GRHL1: variants seen among roughly 807,000 people sequenced by gnomAD.
The protein encoded by GRHL1 is grainyhead-like protein 1 homolog.
In GRHL1, 38 loss-of-function variants were observed where a neutral mutation model predicts 75.7. The observed-to-expected ratio is 0.50, with a 90% confidence interval of 0.39 to 0.66. The LOEUF (loss-of-function observed/expected upper bound fraction) is 0.66. Ranked by LOEUF, GRHL1 falls within the 30% of genes least tolerant of loss-of-function variation. The probability of loss-of-function intolerance (pLI) is 0.00; values close to 1 mark genes in which losing one functional copy is unlikely to be tolerated. For missense variants in GRHL1, 589 were observed against 767.5 expected, an observed-to-expected ratio of 0.77 and a Z score of 2.75; for synonymous variants, 266 against 279.4, an observed-to-expected ratio of 0.95 and a Z score of 0.48.
intron 7 of GRHL1, 191 bp from the exon 8 acceptor site, chr2:9,965,096 C>T (rs999352095): frequency 1.7e-5 from 9 of 521,256 alleles, no homozygotes; most frequent in Non-Finnish European, 2.7e-5. Context: ...TATGTCTAAG[C>T]TTGCCTCTAT....
chr2:9,972,460 C>T (rs762734337), intron 8 of GRHL1, among the ~76,000 whole-genome samples: 18 of 151,436 alleles, frequency 1.2e-4, no homozygotes, highest in Non-Finnish European at 2.4e-4. Flanking sequence ...AATTTCAAGG[C>T]GGCATGGGGG....
intron 7 of GRHL1, 113 bp downstream of exon 7, chr2:9,964,459 G>A (rs1395071987): frequency 1.2e-5 from 8 of 644,898 alleles, no homozygotes; most frequent in Non-Finnish European, 1.9e-5. Context: ...GAATTTTTAT[G>A]CCAGCTACTG....
intron 1 of GRHL1, among the ~76,000 whole-genome samples, 160 bp downstream of exon 1, chr2:9,952,013 C>T (rs990355640): frequency 7.3e-5 from 11 of 151,646 alleles, no homozygotes; most frequent in Non-Finnish European, 1.0e-4. Flanking sequence ...GGCCTTTGCC[C>T]CTTAGCCCTG....
chr2:9,971,133 T>C (rs973879299), intron 8 of GRHL1, among the ~76,000 whole-genome samples: 1 of 152,172 alleles, frequency 6.6e-6, no homozygotes, highest in Non-Finnish European at 1.5e-5. Flanking sequence ...CTAAGCATAA[T>C]ATTTGGAATT....
intron 15 of GRHL1, among the ~76,000 whole-genome samples, chr2:10,000,391 A>G (rs1486477910): frequency 1.3e-5 from 2 of 152,182 alleles, no homozygotes; most frequent in Non-Finnish European, 2.9e-5. Flanking sequence ...ATTTCCTCCT[A>G]ACTCAATTCT....
intron 9 of GRHL1, among the ~76,000 whole-genome samples, chr2:9,986,570 C>T (rs540457246): frequency 6.2e-5 from 9 of 146,162 alleles, no homozygotes; most frequent in African/African-American, 2.0e-4. Flanking sequence ...GTGCACACCA[C>T]CACGGCCGGC....
intron 8 of GRHL1, among the ~76,000 whole-genome samples, chr2:9,967,607 T>C (rs1355513148): frequency 1.4e-5 from 2 of 140,544 alleles, no homozygotes; most frequent in African/African-American, 5.8e-5. Flanking sequence ...TTGTGCCATT[T>C]CTTAATGAGG....
intron 14 of GRHL1, among the ~76,000 whole-genome samples, chr2:9,998,455 T>G (rs199543235): frequency 1.3e-5 from 1 of 76,104 alleles, no homozygotes; most frequent in East Asian, 4.0e-4. Context: ...TGTGTATATA[T>G]ATACATATAT....
At chr2:9,989,941 C>G (rs1289903366) in intron 9 of GRHL1, among the ~76,000 whole-genome samples, 1 of 152,118 alleles carries the variant, frequency 6.6e-6, no homozygotes, top group African/African-American at 2.4e-5. Flanking sequence ...TGGTTGATAC[C>G]AGGCCCTTGG....
At chr2:9,962,331 A>T in intron 4 of GRHL1, 124 bp from the exon 5 acceptor site, 1 of 604,518 alleles carries the variant, frequency 1.7e-6, no homozygotes, top group Non-Finnish European at 3.0e-6. Context: ...TTTTACTCAA[A>T]AATAAATATG....
Position 9,954,973 on chromosome 2 carries a change from A to G in GRHL1, c.79A>G (p.Thr27Ala), listed in dbSNP as rs200737502. The G allele has an allele frequency of 1.3e-5, 21 of 1,613,362 alleles. No homozygotes were observed. Among genetic ancestry groups the G allele is most frequent in the Non-Finnish European group, 1.8e-5 (21 of 1,179,434 alleles). The change falls in exon 2 of 16, where the codon ACT (threonine) becomes GCT (alanine). Residue 27 changes from threonine to alanine, a missense_variant. Physicochemically the swap from Thr to Ala is moderately conservative, Grantham distance 58. Coordinates refer to ENST00000324907, the MANE Select transcript of GRHL1 (RefSeq NM_198182.3). ...EALYPQRRSY[T>A]SEDEAWKSFL... ...ACTTTATCCACAGCGGCGGTCCTAC[A>G]CTAGTGAGGATGAGGCCTGGAAATC...
chr2:9,996,054 AT>A, intron 13 of GRHL1, 84 bp downstream of exon 13: 5 of 931,930 alleles, frequency 5.4e-6, no homozygotes, highest in South Asian at 1.4e-5. Flanking sequence ...GTTCAAGCAC[AT>A]TTTTCCCAGT....
At chr2:9,989,174 A>G (rs1467162648) in intron 9 of GRHL1, among the ~76,000 whole-genome samples, 1 of 152,206 alleles carries the variant, frequency 6.6e-6, no homozygotes, top group African/African-American at 2.4e-5. Flanking sequence ...TAGAAAAGGC[A>G]GAAGGTGGTT....
chr2:9,978,656 C>T (rs544640425), intron 8 of GRHL1, among the ~76,000 whole-genome samples: 16 of 152,270 alleles, frequency 1.1e-4, no homozygotes, highest in Middle Eastern at 3.4e-3. Flanking sequence ...CTCACTTGGT[C>T]TTATGAACTT....
In GRHL1 at chr2:9,962,541, G is replaced by A; in HGVS notation, c.746+10G>A. On this transcript the variant is annotated intron_variant, in intron 5 of 15. Transcript: ENST00000324907. ...TTGACAGTGTTTCTGGGTAATAGAT[G>A]TCTTTTAATTTGATTTTTAATTTGC... 1 of 1,406,598 alleles carries A rather than the reference G, an allele frequency of 7.1e-7. No individual in the cohort carries two copies. Among genetic ancestry groups the A allele is most frequent in the South Asian group, 1.2e-5 (1 of 86,612 alleles). 87.1% of individuals were successfully genotyped at this position (1,406,598 alleles called of 1,614,324 possible). A position where few individuals can be genotyped will look rare whatever the true frequency, so the allele number is the denominator to read the frequency against.
rs547849278 is a variant in GRHL1, at chr2:9,957,967, A to G, written c.208-819A>G. Among the ~76,000 whole-genome samples, 6 of 152,314 alleles carry G rather than the reference A, an allele frequency of 3.9e-5. No individual in the cohort carries two copies. In the South Asian group the frequency reaches 1.2e-3, roughly 32 times the overall value. On this transcript the variant is annotated intron_variant, in intron 2 of 15. Coordinates refer to ENST00000324907, the MANE Select transcript of GRHL1 (RefSeq NM_198182.3). ...TATGAATCCCAGCGTATCTAAAGAC[A>G]GTGATCATATGAAGCCCTCATTTGG...
In GRHL1 at chr2:9,990,647, A is replaced by T; in HGVS notation, c.1270-49A>T. 8.2e-7 allele frequency: 1 copy of T among 1,224,106 alleles called. No individual in the cohort carries two copies. Among genetic ancestry groups the T allele is most frequent in the Non-Finnish European group, 1.2e-6 (1 of 854,962 alleles). The allele number at this position is 1,224,106 out of a possible 1,614,324, so 75.8% of individuals were successfully genotyped here. On this transcript the variant is annotated intron_variant, in intron 9 of 15. Coordinates refer to ENST00000324907, the MANE Select transcript of GRHL1 (RefSeq NM_198182.3). This position sits in a 1 kb window ranked among gnomAD's most constrained non-coding sequence, Gnocchi z 4.2. Reference sequence around the variant, plus strand: ...GGTCAGGATAAGAGTTAAATATTTTAAAGAAGATTGGAAAACAGAATCATA... The same window carrying T: ...GGTCAGGATAAGAGTTAAATATTTTTAAGAAGATTGGAAAACAGAATCATA...
At chr2:9,998,809 C>G in intron 14 of GRHL1, among the ~76,000 whole-genome samples, 156 bp from the exon 15 acceptor site, 1 of 52,064 alleles carries the variant, frequency 1.9e-5, no homozygotes, top group South Asian at 4.3e-4. Flanking sequence ...CATATATATA[C>G]GTATATATAT....
rs542163434 is a variant in GRHL1, at chr2:9,962,319, A to C, written c.670-136A>C. On this transcript the variant is annotated intron_variant, in intron 4 of 15. Coordinates refer to ENST00000324907, the MANE Select transcript of GRHL1 (RefSeq NM_198182.3). ...TTTTTTAAGTATTTGTAGAATCAAA[A>C]TTTTTACTCAAAAATAAATATGGAA... is the stretch of plus-strand genomic sequence containing the variant. 1.2e-4 allele frequency: 75 copies of C among 607,072 alleles called. 1 individual carries two copies. The highest frequency in any genetic ancestry group is 2.6e-4 in the Middle Eastern group (1 of 3,920). The allele number at this position is 607,072 out of a possible 1,614,324, so 37.6% of individuals were successfully genotyped here.
Sources: gnomAD v4.1 joint callset for allele counts (sites outside exome capture counted in the v4.1 genomes callset) on GRCh38, gnomAD v4.1.1 for gene constraint, Gnocchi (gnomAD v3.1) non-coding constraint, MANE v1.5 for transcripts, NCBI Gene and HGNC (gene_info 2026-07-23, HGNC 2026-07-21) for gene names.